Variants in FAM13B observed in about 807,000 individuals in gnomAD.
FAM13B encodes family with sequence similarity 13 member B, also known as protein FAM13B.
Under a neutral mutation model 117.3 loss-of-function variants are expected in FAM13B, and 60 were observed. The ratio of observed to expected loss-of-function variants is 0.51; its 90% CI spans 0.42 to 0.63. The LOEUF (loss-of-function observed/expected upper bound fraction) is 0.63, where lower values mean the gene tolerates loss of function less well. Among genes scored for constraint, FAM13B ranks in the 30% least tolerant of loss-of-function variants. The pLI is 0.00. For missense variants in FAM13B, 972 were observed against 1,091.9 expected (o/e 0.89, Z 1.55); for synonymous variants, 332 against 356.1 (o/e 0.93, Z 0.76).
At chr5:138,021,750 G>A (rs1379916279) in intron 1 of FAM13B, among the ~76,000 whole-genome samples, 4 of 152,242 alleles carry the variant, frequency 2.6e-5, no homozygotes, top group Middle Eastern at 3.4e-3. Context: ...TAATAACTCC[G>A]TCATTTTGTA....
chr5:138,043,441 T>G (rs1439061148), intron 1 of FAM13B, among the ~76,000 whole-genome samples: 2 of 150,760 alleles, frequency 1.3e-5, no homozygotes, highest in East Asian at 3.9e-4. Context: ...TTTCTTTCTT[T>G]CTTTTTTTTT....
At position 137,981,859 on chromosome 5, in the gene FAM13B, G is replaced by C. The variant is rs140288336; in HGVS notation, c.1179+3398C>G. ...AAAAAGTTCAGAGACTGGAGTGGGTGGGTAAGTGGGAGGGCCTGCCATAAA... is the reference window on the plus strand; with the variant it reads ...AAAAAGTTCAGAGACTGGAGTGGGTCGGTAAGTGGGAGGGCCTGCCATAAA... On this transcript the variant is annotated intron_variant, in intron 10 of 23. Coordinates refer to ENST00000689681, the MANE Select transcript of FAM13B (RefSeq NM_001385994.1). Among the ~76,000 whole-genome samples the C allele has an allele frequency of 7.0e-4, 107 of 152,212 alleles. 1 individual carries two copies. In the East Asian group the frequency reaches 0.019, roughly 27 times the overall value.
At chr5:137,969,504 T>G (rs1481471501) in intron 10 of FAM13B, among the ~76,000 whole-genome samples, 2 of 151,914 alleles carry the variant, frequency 1.3e-5, no homozygotes, top group Admixed American at 1.3e-4. Flanking sequence ...ACCACAAAGA[T>G]GGGGAAAAAA....
Position 137,940,292 on chromosome 5 carries a change from T to G in FAM13B, c.2747A>C (p.Lys916Thr). 7 of 1,612,276 alleles carry G rather than the reference T, an allele frequency of 4.3e-6. No homozygotes were observed. The highest frequency in any genetic ancestry group is 5.9e-6 in the Non-Finnish European group (7 of 1,178,322). ...PVLEEYREYK[K>T]IKAKLRLLEV... The stretch of plus-strand genomic sequence containing the variant: ...AAGAAGCCTAAGCTTGGCTTTAATT[T>G]TCTTGTACTCTCTGTACTCCTCAAG... Residue 916 changes from lysine (K) to threonine (T), a missense_variant, in exon 24 of 24, where the codon AAA (lysine) becomes ACA (threonine). Coordinates refer to ENST00000689681, the MANE Select transcript of FAM13B (RefSeq NM_001385994.1).
chr5:137,985,052 A>T (rs1451238030), intron 10 of FAM13B, among the ~76,000 whole-genome samples: 1 of 152,198 alleles, frequency 6.6e-6, no homozygotes, highest in Non-Finnish European at 1.5e-5. Context: ...TACAGGCGTG[A>T]GCCACCACAC....
chr5:137,962,195 C>T (rs1016589215), intron 11 of FAM13B, among the ~76,000 whole-genome samples: 3 of 152,180 alleles, frequency 2.0e-5, no homozygotes, highest in Non-Finnish European at 4.4e-5. Flanking sequence ...TGAATGTTTT[C>T]CAAGTTATAA....
At chr5:137,951,977 G>C (rs116372144) in intron 17 of FAM13B, among the ~76,000 whole-genome samples, 1 of 151,782 alleles carries the variant, frequency 6.6e-6, no homozygotes, top group African/African-American at 2.4e-5. Context: ...ACTCTGTCTC[G>C]AAAAAATTAG....
In FAM13B at chr5:137,943,213, A is replaced by T; in HGVS notation, c.2344T>A (p.Ser782Thr). ...TGACCCCTTCGCTTGGTGGATGGAG[A>T]TCCCTATAACAATCAATAATATAAA... Reference protein sequence around the residue: ...TRASITPVLGSPSTKRRGQML... With the variant: ...TRASITPVLGTPSTKRRGQML... The change falls in exon 21 of 24, where the codon TCT becomes ACT. Residue 782 changes from serine to threonine, a missense_variant. Ser to Thr is a moderately conservative substitution (Grantham distance 58, BLOSUM62 1). Transcript: ENST00000689681. 1.2e-6 allele frequency: 2 copies of T among 1,612,058 alleles called. No individual in the cohort carries two copies. The highest frequency in any genetic ancestry group is 1.7e-6 in the Non-Finnish European group (2 of 1,178,348).
chr5:137,943,606 G>A (rs750410210), intron 20 of FAM13B, among the ~76,000 whole-genome samples: 11 of 152,254 alleles, frequency 7.2e-5, no homozygotes, highest in Middle Eastern at 3.4e-3. Context: ...TTAGCCAGGC[G>A]TGGTGGCACG....
chr5:137,984,056 A>T (rs1057400159), intron 10 of FAM13B, among the ~76,000 whole-genome samples: 55 of 152,182 alleles, frequency 3.6e-4, no homozygotes, highest in African/African-American at 1.0e-3. Flanking sequence ...CAATTATATT[A>T]AAAAAAGTTA....
intron 1 of FAM13B, among the ~76,000 whole-genome samples, chr5:138,044,361 G>A (rs959083470): frequency 2.6e-5 from 4 of 152,124 alleles, no homozygotes; most frequent in Non-Finnish European, 5.9e-5. Context: ...AGACCAGCCT[G>A]ACCAATGTGG....
intron 3 of FAM13B, 63 bp from the exon 4 acceptor site, chr5:138,018,577 C>A: frequency 7.0e-7 from 1 of 1,434,250 alleles, no homozygotes; most frequent in Non-Finnish European, 9.7e-7. Flanking sequence ...CATATATATT[C>A]ATTCTCCAAT....
chr5:138,026,601 C>T (rs1788443095), intron 1 of FAM13B, among the ~76,000 whole-genome samples: 1 of 124,704 alleles, frequency 8.0e-6, no homozygotes, highest in South Asian at 2.6e-4. Flanking sequence ...TGAACTCCAG[C>T]GTGGGCACCA....
chr5:138,021,375 G>T (rs1786666167), intron 1 of FAM13B, among the ~76,000 whole-genome samples, 178 bp from the exon 2 acceptor site: 1 of 152,150 alleles, frequency 6.6e-6, no homozygotes, highest in Admixed American at 6.5e-5. Flanking sequence ...AGATGATGAT[G>T]GAAAATTGGA....
intron 7 of FAM13B, among the ~76,000 whole-genome samples, chr5:138,003,296 T>C (rs926851128): frequency 6.6e-6 from 1 of 152,084 alleles, no homozygotes; most frequent in Non-Finnish European, 1.5e-5. Context: ...AAGAGTTAAA[T>C]TATTAACATT....
chr5:137,972,966 A>T (rs1330669996), intron 10 of FAM13B, among the ~76,000 whole-genome samples: 2 of 151,860 alleles, frequency 1.3e-5, no homozygotes, highest in East Asian at 3.9e-4. Context: ...AGAGGATACA[A>T]ACAAATGGAA....
In FAM13B at chr5:138,011,869, C is replaced by T; in HGVS notation, c.447G>A (p.Leu149=). 1 of 1,603,520 alleles carries T rather than the reference C, an allele frequency of 6.2e-7. No individual in the cohort carries two copies. Residue 149 remains leucine (L), a synonymous_variant, in exon 5 of 24, where the codon TTG becomes TTA. Coordinates refer to ENST00000689681, the MANE Select transcript of FAM13B (RefSeq NM_001385994.1). The part of the protein sequence containing the change: ...LQQLPPVNYS[L]LKFLCRFLAN... ...CTAAAAATCTACACAGAAACTTTAA[C>T]AAACTATAATTAACAGGTGGAAGCT...
rs377192296 is a variant in FAM13B, at chr5:138,009,724, G to A, written c.690+1284C>T. On this transcript the variant is annotated intron_variant, in intron 6 of 23. Coordinates refer to ENST00000689681, the MANE Select transcript of FAM13B (RefSeq NM_001385994.1). ...AGAGGCTGGGGCAGGAGAATTGCTT[G>A]AACCTGGGAGACAGGGGTTGCAGTG... 1.4e-5 allele frequency among the ~76,000 whole-genome samples: 2 copies of A among 142,128 alleles called. 1 individual carries two copies. Among genetic ancestry groups the A allele is most frequent in the Middle Eastern group, 7.9e-3 (2 of 254 alleles). The allele number at this position is 142,128 out of a possible 152,430, so 93.2% of individuals were successfully genotyped here. A position where few individuals can be genotyped will look rare whatever the true frequency, so the allele number is the denominator to read the frequency against.
intron 13 of FAM13B, among the ~76,000 whole-genome samples, chr5:137,958,677 T>C (rs1767256189): frequency 6.6e-6 from 1 of 152,242 alleles, no homozygotes; most frequent in Admixed American, 6.5e-5. Flanking sequence ...CCAAAGTGTA[T>C]GATCCAGAAA....
Sources: allele counts gnomAD v4.1 joint callset (sites outside exome capture counted in the v4.1 genomes callset), GRCh38; gene constraint gnomAD v4.1.1; transcripts MANE v1.5; gene names NCBI Gene and HGNC (gene_info 2026-07-23, HGNC 2026-07-21).